Variants in NR6A1 observed in about 807,000 individuals in gnomAD.
NR6A1 encodes the protein retinoic acid receptor-related testis-associated receptor.
In NR6A1, 7 loss-of-function variants were observed where a neutral mutation model predicts 59.1. The observed-to-expected ratio is 0.12, with a 90% confidence interval of 0.07 to 0.22. The LOEUF (loss-of-function observed/expected upper bound fraction) is 0.22, where lower values mean the gene tolerates loss of function less well. Ranked by LOEUF, NR6A1 falls within the 10% of genes least tolerant of loss-of-function variation. The pLI, the probability that NR6A1 is intolerant of heterozygous loss-of-function variation, is 1.00. For missense variants in NR6A1, 468 were observed against 611.6 expected (o/e 0.77, Z 2.48); for synonymous variants, 243 against 236.1 (o/e 1.03, Z -0.27).
At chr9:124,692,627 C>T (rs1838594489) in intron 2 of NR6A1, 1 of 310,496 alleles carries the variant, frequency 3.2e-6, no homozygotes, top group African/African-American at 2.2e-5. Context: ...CAGAAATGGT[C>T]CTGCAATCCC....
Position 124,732,789 on chromosome 9 carries a change from C to T in NR6A1, c.142+519G>A, listed in dbSNP as rs145199795. On this transcript the variant is annotated intron_variant, in intron 2 of 9. Coordinates refer to ENST00000487099, the MANE Select transcript of NR6A1 (RefSeq NM_033334.4). ...TTGGCTCACTGCAACCTCTACTTCC[C>T]GGGTTCAAGCGATTCTTCAGCCTCA... is the stretch of plus-strand genomic sequence containing the variant. Among the ~76,000 whole-genome samples the T allele has an allele frequency of 4.8e-3, 733 of 151,928 alleles. 2 individuals are homozygous for T. Among genetic ancestry groups the T allele is most frequent in the Middle Eastern group, 0.027 (8 of 294 alleles).
intron 2 of NR6A1, among the ~76,000 whole-genome samples, chr9:124,722,952 A>T (rs979621936): frequency 6.6e-6 from 1 of 152,102 alleles, no homozygotes; most frequent in South Asian, 2.1e-4. Flanking sequence ...TTGGCCTCCC[A>T]AAGTGCTAGG....
At chr9:124,643,773 AAAGAG>A (rs1836842809) in intron 2 of NR6A1, among the ~76,000 whole-genome samples, 1 of 150,628 alleles carries the variant, frequency 6.6e-6, no homozygotes, top group African/African-American at 2.5e-5. Flanking sequence ...AAAAAAAAAA[AAAGAG>A]AGAGAGAGAG....
At chr9:124,619,898 C>A (rs550934430) in intron 2 of NR6A1, among the ~76,000 whole-genome samples, 1 of 151,990 alleles carries the variant, frequency 6.6e-6, no homozygotes, top group African/African-American at 2.4e-5. Flanking sequence ...CCCGTCTCTA[C>A]TAAAAATACA....
chr9:124,584,663 G>A (rs1834871660), intron 2 of NR6A1, among the ~76,000 whole-genome samples: 1 of 152,134 alleles, frequency 6.6e-6, no homozygotes, highest in Admixed American at 6.5e-5. Flanking sequence ...GAAAAATGTT[G>A]TATGTGTTCT....
intron 2 of NR6A1, chr9:124,599,576 G>A (rs1243112455): frequency 2.0e-5 from 21 of 1,070,754 alleles, no homozygotes; most frequent in Admixed American, 3.7e-5. Flanking sequence ...CGTGGCAGCC[G>A]CCATGAGGGC....
chr9:124,757,935 C>A (rs1840681412), intron 1 of NR6A1, among the ~76,000 whole-genome samples: 1 of 152,132 alleles, frequency 6.6e-6, no homozygotes, highest in Non-Finnish European at 1.5e-5. Flanking sequence ...TTTTGATGGG[C>A]ACACTGTACG....
chr9:124,628,152 C>T (rs1266640015), intron 2 of NR6A1, among the ~76,000 whole-genome samples: 5 of 151,834 alleles, frequency 3.3e-5, no homozygotes, highest in African/African-American at 7.3e-5. Context: ...CTCAGCCTCC[C>T]GAGTAGCTGG....
In NR6A1 at chr9:124,612,818, T is replaced by TTTCTTTCTTTC. The variant is rs541907107; in HGVS notation, c.143-58249_143-58248insGAAAGAAAGAA. Among the ~76,000 whole-genome samples, 20 of 139,802 alleles carry TTTCTTTCTTTC rather than the reference T, an allele frequency of 1.4e-4. No homozygotes were observed. In the South Asian group the frequency reaches 4.4e-3, roughly 31 times the overall value. The allele number at this position is 139,802 out of a possible 152,430, so 91.7% of individuals were successfully genotyped here. A position where few individuals can be genotyped will look rare whatever the true frequency, so the allele number is the denominator to read the frequency against. ...TTTTCTTTCTTTCTTTCTTTCTTTC[T>TTTCTTTCTTTC]TTTCTTTCTTTCTTTCACATCTTCC... is the stretch of plus-strand genomic sequence containing the variant. On this transcript the variant is annotated intron_variant, in intron 2 of 9. Coordinates refer to ENST00000487099, the MANE Select transcript of NR6A1 (RefSeq NM_033334.4).
Position 124,696,049 on chromosome 9 carries a change from T to C in NR6A1, c.142+37259A>G, listed in dbSNP as rs150737250. Among the ~76,000 whole-genome samples, 297 of 152,288 alleles carry C rather than the reference T, an allele frequency of 2.0e-3. 2 individuals are homozygous for C. The highest frequency in any genetic ancestry group is 6.9e-3 in the African/African-American group (286 of 41,552). ...AAATACCTGTAACAGAAAAATTACA[T>C]GGCATGTATAGGGGACAGGAAGAGA... On this transcript the variant is annotated intron_variant, in intron 2 of 9. Transcript: ENST00000487099.
intron 2 of NR6A1, among the ~76,000 whole-genome samples, chr9:124,695,576 G>A (rs1242446630): frequency 6.6e-6 from 1 of 152,000 alleles, no homozygotes; most frequent in African/African-American, 2.4e-5. Context: ...AGCCATGTTG[G>A]CCAGGCTGGT....
intron 1 of NR6A1, among the ~76,000 whole-genome samples, chr9:124,753,696 T>TA (rs1840565964): frequency 6.6e-6 from 1 of 152,212 alleles, no homozygotes; most frequent in East Asian, 1.9e-4. Context: ...CCTTCCCTTT[T>TA]AAGGATATTA....
intron 3 of NR6A1, among the ~76,000 whole-genome samples, chr9:124,553,562 T>C (rs900714609): frequency 1.3e-5 from 2 of 148,162 alleles, no homozygotes; most frequent in African/African-American, 5.0e-5. Context: ...TTTTTTTTTT[T>C]TTTTTTTTTT....
Position 124,606,504 on chromosome 9 carries a change from G to A in NR6A1, c.143-51934C>T, listed in dbSNP as rs531812600. ...AGAAATCCATAATTCTATAGAAAGAGCTAAATAAAATAAGGGGCAGCCTGG... is the reference window on the plus strand; with the variant it reads ...AGAAATCCATAATTCTATAGAAAGAACTAAATAAAATAAGGGGCAGCCTGG... On this transcript the variant is annotated intron_variant, in intron 2 of 9. Transcript: ENST00000487099. Among the ~76,000 whole-genome samples the A allele has an allele frequency of 5.9e-4, 90 of 151,950 alleles. 1 individual carries two copies. The South Asian group carries it at 0.018, about 31-fold the overall frequency.
chr9:124,542,745 GGTCT>G (rs1190458313), intron 4 of NR6A1, among the ~76,000 whole-genome samples: 1 of 152,092 alleles, frequency 6.6e-6, no homozygotes, highest in East Asian at 1.9e-4. Flanking sequence ...GTAGAGACAG[GGTCT>G]GTCTTGCTAT....
At chr9:124,673,823 C>A (rs565993610) in intron 2 of NR6A1, among the ~76,000 whole-genome samples, 1 of 152,128 alleles carries the variant, frequency 6.6e-6, no homozygotes, top group South Asian at 2.1e-4. Flanking sequence ...TAAGCAAGGG[C>A]AATAATTAAT....
Position 124,758,728 on chromosome 9 carries a change from G to T in NR6A1, c.100+12292C>A, listed in dbSNP as rs774306217. ...TCTCACAGACTTTAAAGCAGCCAAG[G>T]GTTCTAAAGCAGAACAGGGAAACAG... On this transcript the variant is annotated intron_variant, in intron 1 of 9. Coordinates refer to ENST00000487099, the MANE Select transcript of NR6A1 (RefSeq NM_033334.4). Among the ~76,000 whole-genome samples the T allele has an allele frequency of 7.2e-5, 11 of 152,188 alleles. No individual in the cohort carries two copies. The East Asian group carries it at 1.3e-3, about 19-fold the overall frequency.
intron 2 of NR6A1, among the ~76,000 whole-genome samples, chr9:124,573,241 C>T (rs371956376): frequency 2.2e-4 from 33 of 152,220 alleles, no homozygotes; most frequent in African/African-American, 7.0e-4. Flanking sequence ...GAGCTGTGAA[C>T]GCTGTAATTT....
intron 4 of NR6A1, 72 bp from the exon 5 acceptor site, chr9:124,540,259 A>C (rs1833405520): frequency 1.4e-6 from 2 of 1,469,726 alleles, no homozygotes; most frequent in Non-Finnish European, 1.8e-6. Context: ...CTGAGAGCTT[A>C]TTTAAATCTC....
Sources: allele counts gnomAD v4.1 joint callset (sites outside exome capture counted in the v4.1 genomes callset), GRCh38; gene constraint gnomAD v4.1.1; transcripts MANE v1.5; gene names NCBI Gene and HGNC (gene_info 2026-07-23, HGNC 2026-07-21).